The following COL4A4 variants were observed in gnomAD, a reference collection of about 807,000 sequenced individuals.
COL4A4 encodes collagen alpha-4(IV) chain.
In COL4A4, 105 loss-of-function variants were observed where a neutral mutation model predicts 192.9. The ratio of observed to expected loss-of-function variants is 0.54; its 90% confidence interval spans 0.46 to 0.64. COL4A4 has a LOEUF of 0.64. Among genes scored for constraint, COL4A4 ranks in the 30% least tolerant of loss-of-function variants. The probability of loss-of-function intolerance (pLI) is 0.00; values close to 1 mark genes in which losing one functional copy is unlikely to be tolerated. For synonymous variants in COL4A4, 762 were observed against 769.9 expected, an observed-to-expected ratio of 0.99 and a Z score of 0.17; for missense variants, 1,967 against 2,169.3, an observed-to-expected ratio of 0.91 and a Z score of 1.85.
Position 227,120,054 on chromosome 2 carries a change from C to T in COL4A4, c.328-115G>A, listed in dbSNP as rs894075397. The T allele has an allele frequency of 4.4e-5, 33 of 743,814 alleles. No individual in the cohort carries two copies. In the Middle Eastern group the frequency reaches 3.1e-3, roughly 69 times the overall value. 46.1% of individuals were successfully genotyped at this position (743,814 alleles called of 1,614,324 possible). On this transcript the variant is annotated intron_variant, in intron 5 of 47. Coordinates refer to ENST00000396625, the MANE Select transcript of COL4A4 (RefSeq NM_000092.5). The stretch of plus-strand genomic sequence containing the variant: ...TTTAAACATGCTGAGCAGTCATTGT[C>T]ACCTATTTTTTACATGATGAGTCTA...
chr2:226,967,931 G>C, the COL4A4 span, among the ~76,000 whole-genome samples: 1 of 152,154 alleles, frequency 6.6e-6, no homozygotes, highest in African/African-American at 2.4e-5. Context: ...GTAGGTGACA[G>C]TAATATTTCT....
intron 45 of COL4A4, 49 bp from the exon 46 acceptor site, chr2:227,010,550 T>G (rs928229702): frequency 7.0e-7 from 1 of 1,432,910 alleles, no homozygotes. Context: ...GGGTTTGGTT[T>G]AACAAATATG....
the COL4A4 span, among the ~76,000 whole-genome samples, chr2:226,985,505 T>C: frequency 1.3e-5 from 2 of 152,268 alleles, no homozygotes; most frequent in Non-Finnish European, 1.5e-5. Flanking sequence ...TTTAATGTCA[T>C]AGGCCTCTGG....
chr2:227,061,304 G>A (rs959650616), intron 26 of COL4A4, among the ~76,000 whole-genome samples: 2 of 152,188 alleles, frequency 1.3e-5, no homozygotes, highest in African/African-American at 4.8e-5. Flanking sequence ...TGTGGTGGGC[G>A]GAGTGTAATT....
At chr2:227,014,389 C>G (rs542358609) in intron 44 of COL4A4, among the ~76,000 whole-genome samples, 2 of 152,326 alleles carry the variant, frequency 1.3e-5, no homozygotes, top group East Asian at 3.9e-4. Flanking sequence ...AGAACCAGTG[C>G]TCTAGATGAT....
At chr2:227,063,558 A>G (rs1977674529) in intron 25 of COL4A4, among the ~76,000 whole-genome samples, 1 of 152,162 alleles carries the variant, frequency 6.6e-6, no homozygotes, top group Non-Finnish European at 1.5e-5. Context: ...AGATATATAT[A>G]TAATACATGT....
Position 227,007,593 on chromosome 2 carries a change from C to G in COL4A4, c.4810-5G>C, listed in dbSNP as rs1962439786. On this transcript the variant is annotated splice_region_variant and splice_polypyrimidine_tract_variant and intron_variant, in intron 47 of 47. Transcript: ENST00000396625. ...TTGGTCCCCAGCTCCTGTGTGCTACCCAGAAAACAAGAGAGAATTAGGGCT... is the reference window on the plus strand; with the variant it reads ...TTGGTCCCCAGCTCCTGTGTGCTACGCAGAAAACAAGAGAGAATTAGGGCT... The G allele has an allele frequency of 6.2e-7, 1 of 1,612,294 alleles. No individual in the cohort carries two copies. The highest frequency in any genetic ancestry group is 8.5e-7 in the Non-Finnish European group (1 of 1,180,022).
chr2:227,038,428 AT>A (rs1970122983), intron 37 of COL4A4, among the ~76,000 whole-genome samples: 3 of 152,094 alleles, frequency 2.0e-5, no homozygotes, highest in African/African-American at 7.2e-5. Context: ...TGGTCAAGAT[AT>A]CTGTTTTGGT....
intron 1 of COL4A4, among the ~76,000 whole-genome samples, chr2:227,155,756 C>T (rs2064288416): frequency 6.6e-6 from 1 of 152,112 alleles, no homozygotes; most frequent in Admixed American, 6.6e-5. Context: ...AACCATCTGC[C>T]TCCCTCCATT....
intron 19 of COL4A4, among the ~76,000 whole-genome samples, chr2:227,097,865 T>C (rs1180800666): frequency 6.6e-6 from 1 of 152,196 alleles, no homozygotes; most frequent in Non-Finnish European, 1.5e-5. Context: ...TCTCAGTAAA[T>C]ATAACAAGAG....
intron 20 of COL4A4, 46 bp downstream of exon 20, chr2:227,094,079 C>A: frequency 6.4e-7 from 1 of 1,560,568 alleles, no homozygotes; most frequent in South Asian, 1.1e-5. Context: ...CTGCAAATAT[C>A]AAAAGCAGCA....
intron 29 of COL4A4, among the ~76,000 whole-genome samples, chr2:227,057,207 C>T (rs1368890103): frequency 2.0e-5 from 3 of 152,180 alleles, no homozygotes; most frequent in Non-Finnish European, 4.4e-5. Flanking sequence ...GGGCTCCTCT[C>T]ATGTAATGCA....
chr2:227,023,490 T>A (rs1966420631), intron 43 of COL4A4, among the ~76,000 whole-genome samples: 1 of 151,762 alleles, frequency 6.6e-6, no homozygotes, highest in Admixed American at 6.6e-5. Context: ...AGATGTGAGA[T>A]TTTTTTCTTT....
intron 25 of COL4A4, among the ~76,000 whole-genome samples, chr2:227,065,395 C>T (rs2150339143): frequency 6.6e-6 from 1 of 152,382 alleles, no homozygotes; most frequent in Middle Eastern, 3.4e-3. Flanking sequence ...AGGAGGCCTG[C>T]CTGCCTCTGT....
chr2:227,026,889 G>A (rs962374453), intron 42 of COL4A4, among the ~76,000 whole-genome samples: 10 of 152,214 alleles, frequency 6.6e-5, no homozygotes, highest in Admixed American at 2.6e-4. Flanking sequence ...TTGAATATAC[G>A]ATCCTAACAA....
At chr2:227,031,130 T>A (rs1285655665) in intron 40 of COL4A4, among the ~76,000 whole-genome samples, 5 of 152,148 alleles carry the variant, frequency 3.3e-5, no homozygotes, top group Non-Finnish European at 7.4e-5. Flanking sequence ...GAAAGGAATG[T>A]TCACTCGATT....
At chr2:227,011,926 A>G (rs890398232) in intron 45 of COL4A4, among the ~76,000 whole-genome samples, 6 of 152,216 alleles carry the variant, frequency 3.9e-5, no homozygotes, top group African/African-American at 7.2e-5. Context: ...ATGATGATGT[A>G]TAGCAGTTTG....
At chr2:227,126,032 G>A (rs983281249) in intron 4 of COL4A4, among the ~76,000 whole-genome samples, 52 of 152,116 alleles carry the variant, frequency 3.4e-4, no homozygotes, top group Admixed American at 1.6e-3. Flanking sequence ...CCTGGCTCCC[G>A]TTCTGAGGAC....
At chr2:226,977,813 T>C in the COL4A4 span, among the ~76,000 whole-genome samples, 1 of 152,244 alleles carries the variant, frequency 6.6e-6, no homozygotes, top group African/African-American at 2.4e-5. Flanking sequence ...GTTCTAAGTC[T>C]TGTCTTTGGA....
Sources: allele counts gnomAD v4.1 joint callset (sites outside exome capture counted in the v4.1 genomes callset), GRCh38; gene constraint gnomAD v4.1.1; transcripts MANE v1.5; gene names NCBI Gene and HGNC (gene_info 2026-07-23, HGNC 2026-07-21).